Variants in ARID4A observed in about 807,000 individuals in gnomAD.
ARID4A encodes the protein AT-rich interaction domain 4A, also known as AT-rich interactive domain-containing protein 4A.
ARID4A carries 39 observed loss-of-function variants against 148.6 expected under a neutral mutation model. That is an observed-to-expected ratio of 0.26 (90% CI 0.20 to 0.34). The LOEUF (loss-of-function observed/expected upper bound fraction) is 0.34, where lower values mean the gene tolerates loss of function less well. Among genes scored for constraint, ARID4A ranks in the 10% least tolerant of loss-of-function variants. The pLI is 1.00. For missense variants in ARID4A, 1,265 were observed against 1,449.1 expected (o/e 0.87, Z 2.06); for synonymous variants, 475 against 481.2 (o/e 0.99, Z 0.17).
Position 58,366,869 on chromosome 14 carries a change from T to A in ARID4A, c.3524-14T>A. On this transcript the variant is annotated splice_polypyrimidine_tract_variant and intron_variant, in intron 22 of 23. Coordinates refer to ENST00000355431, the MANE Select transcript of ARID4A (RefSeq NM_002892.4). ...TATTTTAAAATCCAAATTAACTTCT[T>A]TCCCCCCTTTTAGATGAATTAGATA... 6.7e-7 allele frequency: 1 copy of A among 1,485,480 alleles called. No individual in the cohort carries two copies. The highest frequency in any genetic ancestry group is 8.9e-7 in the Non-Finnish European group (1 of 1,123,422). The allele number at this position is 1,485,480 out of a possible 1,614,324, so 92.0% of individuals were successfully genotyped here.
chr14:58,362,846 C>T (rs553273160), intron 19 of ARID4A, among the ~76,000 whole-genome samples: 1 of 152,266 alleles, frequency 6.6e-6, no homozygotes, highest in African/African-American at 2.4e-5. Context: ...GTGTGAGCCA[C>T]TGTGCCCGGC....
chr14:58,322,914 G>C (rs920197200), intron 7 of ARID4A, among the ~76,000 whole-genome samples: 1 of 129,084 alleles, frequency 7.7e-6, no homozygotes, highest in Admixed American at 9.5e-5. Context: ...AGTTAGCTGA[G>C]ATAGCACCAC....
intron 1 of ARID4A, 89 bp from the exon 2 acceptor site, chr14:58,299,709 C>A: frequency 8.7e-7 from 1 of 1,154,504 alleles, no homozygotes; most frequent in Non-Finnish European, 1.3e-6. Context: ...TTCTGCCCCT[C>A]CCCGCTGGCG....
intron 8 of ARID4A, among the ~76,000 whole-genome samples, chr14:58,324,853 C>T (rs573827345): frequency 6.6e-6 from 1 of 152,148 alleles, no homozygotes; most frequent in South Asian, 2.1e-4. Flanking sequence ...CAGCTTTGTT[C>T]TAAGCTCCTT....
chr14:58,337,242 TTATTTATATATA>T lies in ARID4A; in HGVS notation c.906+7077_906+7088del, dbSNP rs1257744495. Among the ~76,000 whole-genome samples, 3 of 45,648 alleles carry T rather than the reference TTATTTATATATA, an allele frequency of 6.6e-5. 1 individual carries two copies. Among genetic ancestry groups the T allele is most frequent in the African/African-American group, 1.8e-4 (2 of 11,170 alleles). 29.9% of individuals were successfully genotyped at this position (45,648 alleles called of 152,430 possible). The stretch of plus-strand genomic sequence containing the variant: ...CAACAAATCTCCTAGAACCTTCTCT[TTATTTATATATA>T]TATATATATATATAATTAAAACCGA... On this transcript the variant is annotated intron_variant, in intron 11 of 23. Coordinates refer to ENST00000355431, the MANE Select transcript of ARID4A (RefSeq NM_002892.4).
At chr14:58,301,406 T>C (rs1285354466) in intron 2 of ARID4A, among the ~76,000 whole-genome samples, 174 bp from the exon 3 acceptor site, 8 of 152,252 alleles carry the variant, frequency 5.3e-5, no homozygotes. Flanking sequence ...CATCAGTCTA[T>C]AAAATGAAAG....
At position 58,325,994 on chromosome 14, in the gene ARID4A, A is replaced by G. The variant is rs184830846; in HGVS notation, c.583-2243A>G. On this transcript the variant is annotated intron_variant, in intron 8 of 23. Coordinates refer to ENST00000355431, the MANE Select transcript of ARID4A (RefSeq NM_002892.4). Reference sequence around the variant, plus strand: ...TAATGTACAGAATAATTCAAGTAACAGTAATATAAAATAGTATATGTTCAA... The same window carrying G: ...TAATGTACAGAATAATTCAAGTAACGGTAATATAAAATAGTATATGTTCAA... Among the ~76,000 whole-genome samples the G allele has an allele frequency of 2.0e-4, 30 of 152,254 alleles. No homozygotes were observed. The East Asian group carries it at 5.2e-3, about 26-fold the overall frequency.
intron 11 of ARID4A, among the ~76,000 whole-genome samples, chr14:58,338,595 G>A (rs1402780248): frequency 3.3e-5 from 5 of 152,120 alleles, no homozygotes; most frequent in Non-Finnish European, 7.4e-5. Flanking sequence ...TGGAGGGGTT[G>A]TAAGAGCTGA....
intron 4 of ARID4A, 136 bp downstream of exon 4, chr14:58,305,145 T>C (rs2031502528): frequency 3.0e-6 from 2 of 657,808 alleles, no homozygotes; most frequent in East Asian, 3.2e-5. Context: ...GGTTTAAATA[T>C]AATTAGTATA....
At chr14:58,371,857 G>C (rs2035630084) in intron 23 of ARID4A, 29 bp from the exon 24 acceptor site, 3 of 1,540,968 alleles carry the variant, frequency 1.9e-6, no homozygotes, top group Non-Finnish European at 2.7e-6. Flanking sequence ...ACAGTTTTTG[G>C]ATCTAACATA....
chr14:58,349,318 A>G (rs1347935847), intron 15 of ARID4A, among the ~76,000 whole-genome samples: 1 of 152,074 alleles, frequency 6.6e-6, no homozygotes, highest in African/African-American at 2.4e-5. Flanking sequence ...CCATAAATCT[A>G]CCTTCTCCAA....
chr14:58,362,730 G>A (rs1004889495), intron 19 of ARID4A, among the ~76,000 whole-genome samples: 1 of 151,918 alleles, frequency 6.6e-6, no homozygotes, highest in Non-Finnish European at 1.5e-5. Context: ...GCTAATTTTT[G>A]TATTTTTAGC....
At chr14:58,344,050 T>G (rs1455080746) in intron 11 of ARID4A, among the ~76,000 whole-genome samples, 1 of 152,068 alleles carries the variant, frequency 6.6e-6, no homozygotes, top group Non-Finnish European at 1.5e-5. Flanking sequence ...TATTTTTAGG[T>G]GTTGCAAAGT....
In ARID4A at chr14:58,372,003, T is replaced by C. The variant is rs775057909; in HGVS notation, c.*14T>C. 3.2e-6 allele frequency: 5 copies of C among 1,558,404 alleles called. No homozygotes were observed. The South Asian group carries it at 4.5e-5, about 14-fold the overall frequency. ...GAATGCAGGTGATAAACATTTTCTCTACCTTCCCAGCAGTTTGCTGCCATG... is the reference window on the plus strand; with the variant it reads ...GAATGCAGGTGATAAACATTTTCTCCACCTTCCCAGCAGTTTGCTGCCATG... On this transcript the variant is annotated 3_prime_UTR_variant, in exon 24 of 24. Transcript: ENST00000355431.
At chr14:58,334,802 T>C (rs757360486) in intron 11 of ARID4A, among the ~76,000 whole-genome samples, 18 of 152,144 alleles carry the variant, frequency 1.2e-4, no homozygotes, top group Non-Finnish European at 1.8e-4. Context: ...CTTGCATCTT[T>C]AACTTACTCC....
rs1044241301 is a variant in ARID4A, at chr14:58,363,695, C to CA, written c.2081-465dup. Among the ~76,000 whole-genome samples, 243 of 143,866 alleles carry CA rather than the reference C, an allele frequency of 1.7e-3. 2 individuals are homozygous for CA. Among genetic ancestry groups the CA allele is most frequent in the African/African-American group, 5.0e-3 (197 of 39,110 alleles). 94.4% of individuals were successfully genotyped at this position (143,866 alleles called of 152,430 possible). A position where few individuals can be genotyped will look rare whatever the true frequency, so the allele number is the denominator to read the frequency against. On this transcript the variant is annotated intron_variant, in intron 19 of 23. Coordinates refer to ENST00000355431, the MANE Select transcript of ARID4A (RefSeq NM_002892.4). ...TGGGCAACCAAGTGAGACTATGTCT[C>CA]AAAAAAAAAAGAAAAGAAAAGAAAA...
chr14:58,308,347 A>G (rs1262288873), intron 5 of ARID4A, among the ~76,000 whole-genome samples: 1 of 152,264 alleles, frequency 6.6e-6, no homozygotes. Context: ...AGCCTCTCCA[A>G]TTAGTAGGCC....
chr14:58,303,926 A>C (rs1365794082), intron 3 of ARID4A, among the ~76,000 whole-genome samples: 2 of 152,188 alleles, frequency 1.3e-5, no homozygotes, highest in African/African-American at 2.4e-5. Flanking sequence ...CCTGGCCAAA[A>C]TGTTGAAACC....
At position 58,301,684 on chromosome 14, in the gene ARID4A, A is replaced by C; in HGVS notation, c.111A>C (p.Lys37Asn). 1 of 1,611,816 alleles carries C rather than the reference A, an allele frequency of 6.2e-7. No individual in the cohort carries two copies. The highest frequency in any genetic ancestry group is 8.5e-7 in the Non-Finnish European group (1 of 1,178,178). Residue 37 changes from lysine (K) to asparagine (N), a missense_variant, in exon 3 of 24, where the codon AAA becomes AAC. Lys to Asn is a moderately conservative substitution (Grantham distance 94). Transcript: ENST00000355431. The part of the protein sequence containing the change: ...AKIKTVKRLV[K>N]VKVLLKQDNT... ...TTAAGACTGTGAAAAGGCTGGTGAA[A>C]GTTAAGGTAATATTTGTTTTTATGC...
Sources: gnomAD v4.1 joint callset for allele counts (sites outside exome capture counted in the v4.1 genomes callset) on GRCh38, gnomAD v4.1.1 for gene constraint, MANE v1.5 for transcripts, NCBI Gene and HGNC (gene_info 2026-07-23, HGNC 2026-07-21) for gene names.